Variants in ITGB2 observed in about 807,000 individuals in gnomAD.
ITGB2 encodes integrin beta-2.
In ITGB2, 56 loss-of-function variants were observed where a neutral mutation model predicts 86.8. That is an observed-to-expected ratio of 0.65 (90% CI 0.52 to 0.81). The LOEUF (loss-of-function observed/expected upper bound fraction) is 0.81, where lower values mean the gene tolerates loss of function less well. ITGB2 is among the 30% of genes least tolerant of loss of function. The pLI, the probability that ITGB2 is intolerant of heterozygous loss-of-function variation, is 0.00. For synonymous variants in ITGB2, 457 were observed against 450.4 expected (o/e 1.01, Z -0.19); for missense variants, 948 against 1,061.2 (o/e 0.89, Z 1.48).
chr21:44,900,640 G>A (rs1024710332), intron 6 of ITGB2, among the ~76,000 whole-genome samples, 165 bp from the exon 7 acceptor site: 3 of 117,760 alleles, frequency 2.5e-5, no homozygotes, highest in African/African-American at 5.1e-5. Flanking sequence ...CAGACGCCAC[G>A]CCCAGGAGGA....
intron 11 of ITGB2, among the ~76,000 whole-genome samples, chr21:44,891,335 G>A (rs1013449857): frequency 1.3e-5 from 2 of 152,086 alleles, no homozygotes; most frequent in African/African-American, 4.8e-5. Flanking sequence ...CCTGTCCCAG[G>A]AGGCTCTCTA....
chr21:44,907,881 C>A, intron 3 of ITGB2: 1 of 590,100 alleles, frequency 1.7e-6, no homozygotes, highest in South Asian at 2.1e-5. Flanking sequence ...ACTTTTGGAA[C>A]CACAGAATTT....
rs748923083 is a variant in ITGB2, at chr21:44,888,778, C to T, written c.1995G>A (p.Arg665=). The T allele has an allele frequency of 1.9e-6, 3 of 1,612,078 alleles. No individual in the cohort carries two copies. Among genetic ancestry groups the T allele is most frequent in the Non-Finnish European group, 2.5e-6 (3 of 1,180,004 alleles). The part of the protein sequence containing the change: ...NPVKGRTCKE[R]DSEGCWVAYT... ...AGGCCACCCAGCAGCCCTCTGAGTC[C>T]CTCTCCTTGCAGGTCCTGCCCTTCA... Residue 665 remains arginine (R), a synonymous_variant, in exon 14 of 16, where the codon AGG becomes AGA. Transcript: ENST00000652462.
At chr21:44,903,240 A>C in intron 5 of ITGB2, 125 bp downstream of exon 5, 1 of 1,085,402 alleles carries the variant, frequency 9.2e-7, no homozygotes, top group Non-Finnish European at 1.4e-6. Context: ...CCCTGGGGGG[A>C]CCTGCATCTG....
At chr21:44,897,076 C>T (rs1414013593) in intron 8 of ITGB2, among the ~76,000 whole-genome samples, 1 of 152,122 alleles carries the variant, frequency 6.6e-6, no homozygotes, top group Non-Finnish European at 1.5e-5. Context: ...GCCTGACCAG[C>T]TCTGGGTGCC....
chr21:44,918,341 G>A (rs922941116), intron 1 of ITGB2, among the ~76,000 whole-genome samples: 1 of 152,262 alleles, frequency 6.6e-6, no homozygotes, highest in Non-Finnish European at 1.5e-5. Flanking sequence ...CAGGCGTCAC[G>A]CTGCCCCATC....
chr21:44,924,301 A>G (rs55829486), upstream of ITGB2, among the ~76,000 whole-genome samples: 35,842 of 151,954 alleles, frequency 0.24, 4,465 homozygotes, highest in East Asian at 0.33. Context: ...ATGGTGGCGC[A>G]TGCCTGTAAT....
At chr21:44,909,333 G>T (rs2084093997) in intron 3 of ITGB2, 1 of 152,372 alleles carries the variant, frequency 6.6e-6, no homozygotes, top group South Asian at 2.1e-4. Flanking sequence ...GCACACCTGA[G>T]TCCAGGCAGA....
intron 8 of ITGB2, among the ~76,000 whole-genome samples, chr21:44,898,791 G>T (rs2083904709): frequency 6.6e-6 from 1 of 152,210 alleles, no homozygotes; most frequent in Non-Finnish European, 1.5e-5. Context: ...TTGTATTCCA[G>T]GAAAAAACAG....
intron 7 of ITGB2, among the ~76,000 whole-genome samples, chr21:44,899,897 C>G (rs1412788092): frequency 2.0e-5 from 3 of 152,160 alleles, no homozygotes; most frequent in Non-Finnish European, 4.4e-5. Context: ...AGGAGGCGGA[C>G]TCAGGGGCAG....
chr21:44,902,422 C>T (rs537600806), intron 5 of ITGB2, among the ~76,000 whole-genome samples: 55 of 144,862 alleles, frequency 3.8e-4, no homozygotes, highest in African/African-American at 1.4e-3. Flanking sequence ...CATACATTCG[C>T]GTGTGTGAGC....
At position 44,891,938 on chromosome 21, in the gene ITGB2, A is replaced by C. The variant is rs1283842502; in HGVS notation, c.1283T>G (p.Ile428Ser). The C allele has an allele frequency of 6.2e-7, 1 of 1,613,424 alleles. No individual in the cohort carries two copies. The highest frequency in any genetic ancestry group is 1.1e-5 in the South Asian group (1 of 91,084). ...TATGTCCGTGAAGCCCAGCGCCCGG[A>C]TGACAAACGACTGCTCCTGGATGCA... Reference protein sequence around the residue: ...TECIQEQSFVIRALGFTDIVT... With the variant: ...TECIQEQSFVSRALGFTDIVT... Residue 428 changes from isoleucine (I) to serine (S), a missense_variant, in exon 11 of 16, where the codon ATC (isoleucine) becomes AGC (serine). Ile to Ser is a moderately radical substitution (Grantham distance 142). Transcript: ENST00000652462.
At position 44,890,970 on chromosome 21, in the gene ITGB2, G is replaced by A. The variant is rs548159222; in HGVS notation, c.1413-748C>T. Among the ~76,000 whole-genome samples the A allele has an allele frequency of 8.5e-5, 13 of 152,274 alleles. No individual in the cohort carries two copies. The South Asian group carries it at 2.7e-3, about 32-fold the overall frequency. The stretch of plus-strand genomic sequence containing the variant: ...AGCAACAGAGACCACCAAGACCACA[G>A]AGACCATCATTGTCCTGAGATATGG... On this transcript the variant is annotated intron_variant, in intron 11 of 15. Coordinates refer to ENST00000652462, the MANE Select transcript of ITGB2 (RefSeq NM_000211.5).
chr21:44,895,880 A>T (rs1051355247), intron 8 of ITGB2, among the ~76,000 whole-genome samples: 83 of 83,598 alleles, frequency 9.9e-4, no homozygotes, highest in African/African-American at 3.8e-3. Flanking sequence ...TGAAATAAAA[A>T]AATAAATAAA....
At position 44,907,104 on chromosome 21, in the gene ITGB2, G is replaced by A. The variant is rs1460022301; in HGVS notation, c.148-9C>T. ...CCCGGCCCTGTGAAGTTCTGGGGAGGGGGAGTCAGGGGTCAGGAGGGGGCC... is the reference window on the plus strand; with the variant it reads ...CCCGGCCCTGTGAAGTTCTGGGGAGAGGGAGTCAGGGGTCAGGAGGGGGCC... On this transcript the variant is annotated splice_polypyrimidine_tract_variant and intron_variant, in intron 3 of 15. Transcript: ENST00000652462. 2.5e-6 allele frequency: 4 copies of A among 1,587,018 alleles called. No individual in the cohort carries two copies. Among genetic ancestry groups the A allele is most frequent in the Admixed American group, 3.4e-5 (2 of 59,074 alleles).
chr21:44,886,577 G>T, intron 15 of ITGB2, 147 bp from the exon 16 acceptor site: 1 of 1,411,680 alleles, frequency 7.1e-7, no homozygotes, highest in Non-Finnish European at 1.0e-6. Context: ...AGCACCGGCA[G>T]CCAAGCTCAC....
chr21:44,888,774 A>G lies in ITGB2; in HGVS notation c.1999T>C (p.Ser667Pro). Residue 667 changes from serine (S) to proline (P), a missense_variant, in exon 14 of 16, where the codon TCA becomes CCA. Coordinates refer to ENST00000652462, the MANE Select transcript of ITGB2 (RefSeq NM_000211.5). ...VKGRTCKERD[S>P]EGCWVAYTLE... ...GTGTAGGCCACCCAGCAGCCCTCTGAGTCCCTCTCCTTGCAGGTCCTGCCC... is the reference window on the plus strand; with the variant it reads ...GTGTAGGCCACCCAGCAGCCCTCTGGGTCCCTCTCCTTGCAGGTCCTGCCC... 6.2e-7 allele frequency: 1 copy of G among 1,612,124 alleles called. No homozygotes were observed.
chr21:44,922,740 C>G (rs975511015), upstream of ITGB2, among the ~76,000 whole-genome samples: 1 of 150,514 alleles, frequency 6.6e-6, no homozygotes, highest in African/African-American at 2.4e-5. Flanking sequence ...TAAATAAAAA[C>G]CAAACAATAA....
intron 6 of ITGB2, among the ~76,000 whole-genome samples, chr21:44,900,806 C>G (rs79249663): frequency 2.6e-5 from 4 of 152,218 alleles, no homozygotes; most frequent in African/African-American, 7.2e-5. Flanking sequence ...CCCTCGCAGA[C>G]GTGTGGGCCA....
Sources: gnomAD v4.1 joint callset for allele counts (sites outside exome capture counted in the v4.1 genomes callset) on GRCh38, gnomAD v4.1.1 for gene constraint, MANE v1.5 for transcripts, NCBI Gene and HGNC (gene_info 2026-07-23, HGNC 2026-07-21) for gene names.